The following PLCH2 variants were observed in gnomAD, a reference collection of about 807,000 sequenced individuals.
The protein encoded by PLCH2 is 1-phosphatidylinositol 4,5-bisphosphate phosphodiesterase eta-2.
PLCH2 carries 98 observed loss-of-function variants against 134.7 expected under a neutral mutation model. That is an observed-to-expected ratio of 0.73 (90% CI 0.62 to 0.86). PLCH2 has a LOEUF of 0.86. PLCH2 is among the 40% of genes least tolerant of loss of function. The pLI is 0.00. For synonymous variants in PLCH2, 974 were observed against 827.5 expected, an observed-to-expected ratio of 1.18 and a Z score of -3.04; for missense variants, 1,994 against 1,986.6, an observed-to-expected ratio of 1.00 and a Z score of -0.07.
At chr1:2,470,664 C>T (rs530807388) in intron 1 of PLCH2, among the ~76,000 whole-genome samples, 23 of 152,222 alleles carry the variant, frequency 1.5e-4, no homozygotes, top group South Asian at 2.1e-4. Context: ...CCCTCCCTCC[C>T]GCGCCTGGCT....
At chr1:2,423,542 T>G (rs1193746580), upstream of PLCH2, among the ~76,000 whole-genome samples, 1 of 152,038 alleles carries the variant, frequency 6.6e-6, no homozygotes, top group Non-Finnish European at 1.5e-5. Flanking sequence ...CCACCTCCCC[T>G]GGAGTTCTGG....
At position 2,487,718 on chromosome 1, in the gene PLCH2, A is replaced by G. The variant is rs1642361896; in HGVS notation, c.1235A>G (p.Glu412Gly). The change falls in exon 8 of 22, where the codon GAG becomes GGG. Residue 412 changes from glutamate to glycine, a missense_variant and splice_region_variant. By Grantham distance (98) the Glu-to-Gly change is moderately conservative. Transcript: ENST00000378486. ...AACAAATATGCCTTCATCAAGAATG[A>G]GTGAGTGGCTGGGCCTAGCGGGGCT... ...TINKYAFIKN[E>G]YPVILSIENH... The G allele has an allele frequency of 6.2e-7, 1 of 1,612,760 alleles. No individual in the cohort carries two copies. The highest frequency in any genetic ancestry group is 8.5e-7 in the Non-Finnish European group (1 of 1,179,674).
chr1:2,479,802 G>T lies in PLCH2; in HGVS notation c.340G>T (p.Gly114Cys), dbSNP rs757192702. Residue 114 changes from glycine (G) to cysteine (C), a missense_variant, in exon 3 of 22, where the codon GGC (glycine) becomes TGC (cysteine). Around this residue, in one of 2 missense-constraint regions of PLCH2, gnomAD observed 1,094 missense variants for 1,234.3 expected, o/e 0.89. Transcript: ENST00000378486. Reference sequence around the variant, plus strand: ...GGAGGTCTTCCAGCGCTACCCTGACGGCAGCTTCGACCCCAACTGCTGCTT... The same window carrying T: ...GGAGGTCTTCCAGCGCTACCCTGACTGCAGCTTCGACCCCAACTGCTGCTT... ...QSEVFQRYPD[G>C]SFDPNCCFSI... The T allele has an allele frequency of 3.1e-6, 5 of 1,589,050 alleles. No individual in the cohort carries two copies. The highest frequency in any genetic ancestry group is 1.1e-5 in the South Asian group (1 of 88,236).
chr1:2,458,113 C>G (rs1399566209), intron 2 of PLCH2, among the ~76,000 whole-genome samples: 2 of 152,164 alleles, frequency 1.3e-5, no homozygotes, highest in Non-Finnish European at 2.9e-5. Context: ...CTGTGGGCAC[C>G]CAGGCCTGTC....
At chr1:2,447,909 T>G (rs1166081934) in intron 2 of PLCH2, among the ~76,000 whole-genome samples, 1 of 152,190 alleles carries the variant, frequency 6.6e-6, no homozygotes, top group Non-Finnish European at 1.5e-5. Flanking sequence ...CCTCCCTGGC[T>G]GCGGGACTTT....
In PLCH2 at chr1:2,494,854, A is replaced by G; in HGVS notation, c.1660-2A>G. The G allele has an allele frequency of 1.2e-6, 2 of 1,601,302 alleles. No homozygotes were observed. Among genetic ancestry groups the G allele is most frequent in the Non-Finnish European group, 8.5e-7 (1 of 1,173,722 alleles). On this transcript the variant is annotated splice_acceptor_variant, in intron 11 of 21. Coordinates refer to ENST00000378486, the MANE Select transcript of PLCH2 (RefSeq NM_014638.4). LOFTEE classifies it high-confidence loss of function. Reference sequence around the variant, plus strand: ...TTGTCCCTGTCTCTCCCCTGGACTCAGAGCAAGGCTGAAGAGGACGTGGAG... The same window carrying G: ...TTGTCCCTGTCTCTCCCCTGGACTCGGAGCAAGGCTGAAGAGGACGTGGAG...
intron 21 of PLCH2, 74 bp downstream of exon 21, chr1:2,502,483 G>C (rs12146018): frequency 7.0e-7 from 1 of 1,423,108 alleles, no homozygotes; most frequent in Non-Finnish European, 9.7e-7. Context: ...ACGGCCCCGG[G>C]CCTGCTGGGA....
intron 2 of PLCH2, among the ~76,000 whole-genome samples, chr1:2,452,717 T>C (rs1440098193): frequency 6.6e-6 from 1 of 152,226 alleles, no homozygotes; most frequent in Non-Finnish European, 1.5e-5. Context: ...AGGCTGGGCA[T>C]GAACCTCCCT....
chr1:2,422,603 A>G (rs932922528), upstream of PLCH2, among the ~76,000 whole-genome samples: 3 of 152,206 alleles, frequency 2.0e-5, no homozygotes, highest in Non-Finnish European at 2.9e-5. Context: ...AACCGTGCCA[A>G]TGGACTTTTT....
chr1:2,495,720 A>G, intron 13 of PLCH2, 150 bp downstream of exon 13: 1 of 607,562 alleles, frequency 1.6e-6, no homozygotes, highest in Non-Finnish European at 2.9e-6. Context: ...AGTGGTAGGG[A>G]GTGTGGTGTG....
chr1:2,416,817 T>C, the PLCH2 span, among the ~76,000 whole-genome samples: 10 of 152,094 alleles, frequency 6.6e-5, no homozygotes, highest in Admixed American at 1.3e-4. Context: ...TTGGGTGATT[T>C]TGGGGCTCGG....
chr1:2,502,192 G>T lies in PLCH2; in HGVS notation c.2742G>T (p.Arg914=). The T allele has an allele frequency of 1.3e-6, 2 of 1,534,262 alleles. No homozygotes were observed. The highest frequency in any genetic ancestry group is 1.8e-6 in the Non-Finnish European group (2 of 1,142,458). The part of the protein sequence containing the change: ...PGSLDSHAAG[R]PPARPSVSQR... ...CGCTGGACAGTCATGCTGCTGGGCG[G>T]CCCCCGGCCCGGCCCTCCGTTAGCC... Residue 914 remains arginine, a synonymous_variant, in exon 21 of 22, where the codon CGG becomes CGT. Coordinates refer to ENST00000378486, the MANE Select transcript of PLCH2 (RefSeq NM_014638.4).
At chr1:2,467,534 G>C in exon 1 of PLCH2, 2 of 398,860 alleles carry the variant, frequency 5.0e-6, no homozygotes, top group Admixed American at 8.8e-5. Context: ...CCCTGCTCGG[G>C]CTGGGGCTCA....
At chr1:2,502,846 G>A (rs1218349867) in intron 21 of PLCH2, 1 of 717,196 alleles carries the variant, frequency 1.4e-6, no homozygotes, top group East Asian at 2.7e-5. Context: ...TGCAGGGAGA[G>A]ATGAGTGCCT....
chr1:2,475,056 C>T (rs921215688), upstream of PLCH2, among the ~76,000 whole-genome samples: 2 of 152,150 alleles, frequency 1.3e-5, no homozygotes, highest in Non-Finnish European at 2.9e-5. Flanking sequence ...GAGCCTGTGA[C>T]GGGGCCCCTG....
At chr1:2,432,059 G>T (rs1477477412) in intron 2 of PLCH2, among the ~76,000 whole-genome samples, 1 of 152,176 alleles carries the variant, frequency 6.6e-6, no homozygotes, top group Non-Finnish European at 1.5e-5. Context: ...AGACTGGGGG[G>T]CTTGTATGGA....
intron 1 of PLCH2, among the ~76,000 whole-genome samples, chr1:2,468,191 G>A (rs1209079573): frequency 8.5e-5 from 13 of 152,194 alleles, no homozygotes; most frequent in African/African-American, 2.9e-4. Flanking sequence ...GCCCTGAGCT[G>A]CAGTCAGCAC....
intron 2 of PLCH2, among the ~76,000 whole-genome samples, chr1:2,443,475 C>A (rs987824998): frequency 2.6e-4 from 40 of 152,252 alleles, no homozygotes; most frequent in African/African-American, 8.7e-4. Context: ...CCCGGTCCCG[C>A]CGGCTGGGGC....
At chr1:2,442,303 A>G (rs1186507325) in intron 2 of PLCH2, among the ~76,000 whole-genome samples, 1 of 152,112 alleles carries the variant, frequency 6.6e-6, no homozygotes, top group Non-Finnish European at 1.5e-5. Context: ...GAGCCAGGAC[A>G]TGCACCTGTG....
Sources: allele counts gnomAD v4.1 joint callset (sites outside exome capture counted in the v4.1 genomes callset), GRCh38; gene constraint gnomAD v4.1.1; regional missense constraint gnomAD v4.1.1; transcripts MANE v1.5; gene names NCBI Gene and HGNC (gene_info 2026-07-23, HGNC 2026-07-21).